The following CUX1 variants were observed in gnomAD, a reference collection of about 807,000 sequenced individuals.
The protein encoded by CUX1 is cut like homeobox 1, also known as protein CASP.
Under a neutral mutation model 158.8 loss-of-function variants are expected in CUX1, and 31 were observed. The observed-to-expected ratio is 0.20, with a 90% confidence interval of 0.15 to 0.26. CUX1 has a LOEUF of 0.26. CUX1 is among the 10% of genes least tolerant of loss of function. CUX1 has a pLI of 1.00. For missense variants in CUX1, 1,589 were observed against 2,014.6 expected, an observed-to-expected ratio of 0.79 and a Z score of 4.04; for synonymous variants, 879 against 862.1, an observed-to-expected ratio of 1.02 and a Z score of -0.34.
chr7:102,253,867 C>T lies in CUX1; in HGVS notation c.*4825C>T, dbSNP rs897856695. The T allele has an allele frequency of 2.5e-5, 25 of 985,644 alleles. No individual in the cohort carries two copies. Among genetic ancestry groups the T allele is most frequent in the Non-Finnish European group, 3.0e-5 (25 of 830,236 alleles). The allele number at this position is 985,644 out of a possible 1,614,324, so 61.1% of individuals were successfully genotyped here. A position where few individuals can be genotyped will look rare whatever the true frequency, so the allele number is the denominator to read the frequency against. ...GCTGGAGGTTTGGCTCCTGTGCTGC[C>T]GGTGGGGGGCCCTGTCCCTCCCCAG... On this transcript the variant is annotated 3_prime_UTR_variant, in exon 24 of 24. Transcript: ENST00000292535.
chr7:101,958,370 TGCAGCAGCAGCA>T (rs10564479), intron 2 of CUX1, among the ~76,000 whole-genome samples: 1 of 150,944 alleles, frequency 6.6e-6, no homozygotes. Context: ...GGCCTGAAGC[TGCAGCAGCAGCA>T]GCAGCAGCAA....
At chr7:102,155,338 G>A (rs1359472050) in intron 8 of CUX1, among the ~76,000 whole-genome samples, 1 of 148,854 alleles carries the variant, frequency 6.7e-6, no homozygotes, top group Non-Finnish European at 1.5e-5. Context: ...GAGCCCAGGA[G>A]TTTAAGACCA....
chr7:102,060,316 G>A (rs1335926281), intron 3 of CUX1, among the ~76,000 whole-genome samples: 1 of 151,820 alleles, frequency 6.6e-6, no homozygotes, highest in Non-Finnish European at 1.5e-5. Flanking sequence ...GGTCCTCCAG[G>A]ACTTTCCACA....
At chr7:101,998,296 A>G (rs1816228426) in intron 2 of CUX1, among the ~76,000 whole-genome samples, 1 of 151,846 alleles carries the variant, frequency 6.6e-6, no homozygotes, top group African/African-American at 2.4e-5. Flanking sequence ...GGCTGCAGGC[A>G]CACATTTACT....
intron 6 of CUX1, among the ~76,000 whole-genome samples, chr7:102,106,079 C>CTTTTT (rs782580660): frequency 1.3e-3 from 95 of 72,280 alleles, no homozygotes; most frequent in Non-Finnish European, 1.6e-3. Context: ...TTTCTTTTTT[C>CTTTTT]TTTTTTTTTT....
intron 11 of CUX1, among the ~76,000 whole-genome samples, chr7:102,181,122 G>A (rs1793042872): frequency 1.3e-5 from 2 of 151,626 alleles, no homozygotes; most frequent in African/African-American, 2.4e-5. Flanking sequence ...TGTATTTTTA[G>A]TAGAGATGGG....
intron 2 of CUX1, among the ~76,000 whole-genome samples, chr7:101,963,304 C>T (rs1563066625): frequency 6.6e-6 from 1 of 152,232 alleles, no homozygotes; most frequent in Non-Finnish European, 1.5e-5. Flanking sequence ...GGGGAGGAAT[C>T]ACATGGGTTA....
chr7:102,204,437 C>T lies in CUX1; in HGVS notation c.2954C>T (p.Pro985Leu), dbSNP rs1290232325. The T allele has an allele frequency of 3.1e-6, 5 of 1,613,570 alleles. No homozygotes were observed. The highest frequency in any genetic ancestry group is 1.3e-5 in the African/African-American group (1 of 74,942). The part of the protein sequence containing the change: ...QGSVSDMLSR[P>L]KPWSKLTQKG... ...AGCGTCAGCGACATGCTGTCCCGACCGAAGCCATGGAGCAAGCTGACGCAG... is the reference window on the plus strand; with the variant it reads ...AGCGTCAGCGACATGCTGTCCCGACTGAAGCCATGGAGCAAGCTGACGCAG... The change falls in exon 19 of 24, where the codon CCG (proline) becomes CTG (leucine). Residue 985 changes from proline (P) to leucine (L), a missense_variant. Pro to Leu is a moderately conservative substitution (Grantham distance 98, BLOSUM62 -3). Around this residue, in one of 8 missense-constraint regions of CUX1, gnomAD observed 29 missense variants for 66.6 expected, o/e 0.44. Transcript: ENST00000292535.
chr7:102,184,672 A>T (rs144375128), intron 11 of CUX1, among the ~76,000 whole-genome samples: 3 of 152,044 alleles, frequency 2.0e-5, no homozygotes, highest in Admixed American at 2.0e-4. Flanking sequence ...TAAAGACAGG[A>T]TCTTGCTCTT....
intron 2 of CUX1, among the ~76,000 whole-genome samples, chr7:101,976,825 C>T (rs1038620817): frequency 1.3e-5 from 2 of 150,412 alleles, no homozygotes; most frequent in Non-Finnish European, 2.9e-5. Context: ...GCTCCAACTT[C>T]CCGAGATTTA....
chr7:102,254,069 T>G lies in CUX1; in HGVS notation c.*5027T>G, dbSNP rs1316297766. ...ATCCCTCTGCCTGGTGGGCCGGCTT[T>G]GTGTGTCTCTCCTTTTGTGAGCGCA... On this transcript the variant is annotated 3_prime_UTR_variant, in exon 24 of 24. Transcript: ENST00000292535. The G allele has an allele frequency of 1.0e-6, 1 of 985,496 alleles. No individual in the cohort carries two copies. The highest frequency in any genetic ancestry group is 1.7e-5 in the African/African-American group (1 of 57,362). The allele number at this position is 985,496 out of a possible 1,614,324, so 61.0% of individuals were successfully genotyped here. A position where few individuals can be genotyped will look rare whatever the true frequency, so the allele number is the denominator to read the frequency against.
chr7:101,927,788 T>G (rs541640871), intron 2 of CUX1, among the ~76,000 whole-genome samples: 15 of 152,254 alleles, frequency 9.9e-5, no homozygotes, highest in Admixed American at 3.9e-4. Flanking sequence ...TCTTAGGCAA[T>G]TCTTAGGTAA....
At chr7:102,072,217 A>G (rs2096443719) in intron 4 of CUX1, among the ~76,000 whole-genome samples, 1 of 152,258 alleles carries the variant, frequency 6.6e-6, no homozygotes, top group Non-Finnish European at 1.5e-5. Flanking sequence ...TCAAGGGCCC[A>G]GATACAGATT....
chr7:102,160,991 G>A (rs199965732), intron 9 of CUX1: 1 of 152,094 alleles, frequency 6.6e-6, no homozygotes, highest in East Asian at 1.9e-4. Flanking sequence ...AGAAAGGAAG[G>A]GAATTTAGCT....
upstream of CUX1, chr7:101,816,147 C>G: frequency 1.8e-6 from 2 of 1,084,630 alleles, no homozygotes; most frequent in Non-Finnish European, 2.3e-6. Flanking sequence ...TGCGGGCGGT[C>G]GCGGCCTCCG....
At chr7:102,281,335 A>T (rs1792045538) in intron 20 of CUX1, among the ~76,000 whole-genome samples, 1 of 152,000 alleles carries the variant, frequency 6.6e-6, no homozygotes. Context: ...ACTACATTCC[A>T]GCCTGGGCAA....
chr7:101,865,879 C>T (rs1238348525), intron 1 of CUX1, among the ~76,000 whole-genome samples: 1 of 152,190 alleles, frequency 6.6e-6, no homozygotes, highest in Non-Finnish European at 1.5e-5. Flanking sequence ...GGGAAAGCAG[C>T]ACGTGTTTTT....
chr7:102,060,911 C>CTTTT lies in CUX1; in HGVS notation c.190-9409_190-9406dup, dbSNP rs1039443388. 5.5e-3 allele frequency among the ~76,000 whole-genome samples: 438 copies of CTTTT among 79,444 alleles called. 41 individuals carry two copies. Among genetic ancestry groups the CTTTT allele is most frequent in the African/African-American group, 0.029 (405 of 13,768 alleles). 52.1% of individuals were successfully genotyped at this position (79,444 alleles called of 152,430 possible). On this transcript the variant is annotated intron_variant, in intron 3 of 23. Transcript: ENST00000292535. ...ACAGGTGTGAACCACCGCGCCTGGC[C>CTTTT]TTTTTTTTTTTTTTTTTTTTTTGGA...
upstream of CUX1, chr7:101,817,301 C>G: frequency 1.0e-6 from 1 of 984,598 alleles, no homozygotes; most frequent in Non-Finnish European, 1.2e-6. This position sits in a 1 kb window ranked among gnomAD's most constrained non-coding sequence, Gnocchi z 4.1. Flanking sequence ...CCCTTCCTTG[C>G]GTCCCCTCGG....
Sources: gnomAD v4.1 joint callset for allele counts (sites outside exome capture counted in the v4.1 genomes callset) on GRCh38, gnomAD v4.1.1 for gene constraint, gnomAD v4.1.1 regional missense constraint, Gnocchi (gnomAD v3.1) non-coding constraint, MANE v1.5 for transcripts, NCBI Gene and HGNC (gene_info 2026-07-23, HGNC 2026-07-21) for gene names.